Variants in CRYGN observed in about 807,000 individuals in gnomAD.
CRYGN encodes the protein crystallin gamma N, also known as gamma-crystallin N.
A neutral mutation model predicts 19.2 loss-of-function variants in CRYGN; 17 were observed. The observed-to-expected ratio is 0.89, with a 90% CI of 0.61 to 1.33. The LOEUF (loss-of-function observed/expected upper bound fraction) is 1.33. CRYGN is among the 40% of genes most tolerant of loss of function. CRYGN has a pLI of 0.00. For missense variants in CRYGN, 239 were observed against 239.6 expected, an observed-to-expected ratio of 1.00 and a Z score of 0.02; for synonymous variants, 84 against 85.8, an observed-to-expected ratio of 0.98 and a Z score of 0.12.
Position 151,431,803 on chromosome 7 carries a change from G to A in CRYGN, c.417-1623C>T, listed in dbSNP as rs903682684. On this transcript the variant is annotated intron_variant, in intron 3 of 3. Coordinates refer to ENST00000337323, the MANE Select transcript of CRYGN (RefSeq NM_144727.3). The surrounding 1 kb of genome is among the most constrained non-coding windows in gnomAD (Gnocchi z 4.8). ...CCTGGGTCAGGCCTTTGGCCACATG[G>A]CCTGGCAGCCTCACCTTGCCGAGTC... 5 of 180,606 alleles carry A rather than the reference G, an allele frequency of 2.8e-5. No homozygotes were observed. In the East Asian group the frequency reaches 6.5e-4, roughly 23 times the overall value. 11.2% of individuals were successfully genotyped at this position (180,606 alleles called of 1,614,324 possible).
In CRYGN at chr7:151,433,333, G is replaced by A. The variant is rs938182511; in HGVS notation, c.416+2847C>T. ...CCAGGAGGAAGGGACTGGAGGTCCA[G>A]GATAGTGGCCTTTGCCTGGAAAGGG... On this transcript the variant is annotated intron_variant, in intron 3 of 3. Transcript: ENST00000337323. The surrounding 1 kb of genome is among the most constrained non-coding windows in gnomAD (Gnocchi z 5.1). Among the ~76,000 whole-genome samples the A allele has an allele frequency of 6.6e-6, 1 of 152,240 alleles. No individual in the cohort carries two copies. The highest frequency in any genetic ancestry group is 1.5e-5 in the Non-Finnish European group (1 of 68,040).
chr7:151,432,240 C>G, intron 3 of CRYGN: 2 of 1,232,204 alleles, frequency 1.6e-6, no homozygotes, highest in Non-Finnish European at 2.0e-6. Context: ...CACTCTCCAC[C>G]ACGTACATGC....
At position 151,430,159 on chromosome 7, in the gene CRYGN, G is replaced by A. The variant is rs747321002; in HGVS notation, c.438C>T (p.Phe146=). The change falls in exon 4 of 4, where the codon TTC becomes TTT. Residue 146 remains phenylalanine, a synonymous_variant. Coordinates refer to ENST00000337323, the MANE Select transcript of CRYGN (RefSeq NM_144727.3). The surrounding 1 kb of genome is among the most constrained non-coding windows in gnomAD (Gnocchi z 5.2). ...TGCTCAGCTGGAAGTCCTCAGCTCC[G>A]AAGCTTCTAGGGCTCCATGCTCTGT... ...GDGAAWSPRS[F]GAEDFQLSSS... is the part of the protein sequence containing the mutation. 21 of 1,613,886 alleles carry A rather than the reference G, an allele frequency of 1.3e-5. No individual in the cohort carries two copies. Among genetic ancestry groups the A allele is most frequent in the East Asian group, 4.5e-5 (2 of 44,890 alleles).
upstream of CRYGN, chr7:151,440,370 T>A (rs1801734999): frequency 5.4e-6 from 1 of 185,146 alleles, no homozygotes; most frequent in African/African-American, 2.3e-5. Context: ...CTCGCCTTGG[T>A]GCCAACTTGT....
rs1011526328 is a variant in CRYGN at position 151,436,444 on chromosome 7, C to T, written c.271-119G>A. The T allele has an allele frequency of 2.5e-6, 2 of 799,178 alleles. No individual in the cohort carries two copies. Among genetic ancestry groups the T allele is most frequent in the South Asian group, 2.5e-5 (1 of 39,816 alleles). 49.5% of individuals were successfully genotyped at this position (799,178 alleles called of 1,614,324 possible). A position where few individuals can be genotyped will look rare whatever the true frequency, so the allele number is the denominator to read the frequency against. On this transcript the variant is annotated intron_variant, in intron 2 of 3. Coordinates refer to ENST00000337323, the MANE Select transcript of CRYGN (RefSeq NM_144727.3). This position sits in a 1 kb window ranked among gnomAD's most constrained non-coding sequence, Gnocchi z 5.1. ...GTACCCAAGGCACTGGGCACCCCCA[C>T]CCCACACACTTCAACCCCACACTTC... is the stretch of plus-strand genomic sequence containing the variant.
rs1302176051 is a variant in CRYGN, at chr7:151,429,888, A to T, written c.*160T>A. 2 of 664,994 alleles carry T rather than the reference A, an allele frequency of 3.0e-6. No homozygotes were observed. Among genetic ancestry groups the T allele is most frequent in the Non-Finnish European group, 5.5e-6 (2 of 363,386 alleles). 41.2% of individuals were successfully genotyped at this position (664,994 alleles called of 1,614,324 possible). A position where few individuals can be genotyped will look rare whatever the true frequency, so the allele number is the denominator to read the frequency against. The stretch of plus-strand genomic sequence containing the variant: ...TTTCAGAAGAGACAGGGCCCTTGCC[A>T]TGGGTGGGGAGGGCCTCCCGCTGGC... On this transcript the variant is annotated 3_prime_UTR_variant, in exon 4 of 4. Coordinates refer to ENST00000337323, the MANE Select transcript of CRYGN (RefSeq NM_144727.3).
At chr7:151,440,143 G>T (rs1801728029), upstream of CRYGN, 1 of 1,318,652 alleles carries the variant, frequency 7.6e-7, no homozygotes, top group Non-Finnish European at 9.7e-7. Flanking sequence ...TCCGCGTTTA[G>T]CTCCCGAGCC....
rs1174358028 is a variant in CRYGN, at chr7:151,436,356, A to T, written c.271-31T>A. On this transcript the variant is annotated intron_variant, in intron 2 of 3. Transcript: ENST00000337323. This position sits in a 1 kb window ranked among gnomAD's most constrained non-coding sequence, Gnocchi z 5.1. ...AGACCAAGCAAAAAAGAAGGAAAGA[A>T]GGAGGTTGCTGTGAATTCCCCTCTC... 1 of 1,485,272 alleles carries T rather than the reference A, an allele frequency of 6.7e-7. No individual in the cohort carries two copies. Among genetic ancestry groups the T allele is most frequent in the African/African-American group, 1.4e-5 (1 of 70,198 alleles). 92.0% of individuals were successfully genotyped at this position (1,485,272 alleles called of 1,614,324 possible). A position where few individuals can be genotyped will look rare whatever the true frequency, so the allele number is the denominator to read the frequency against.
chr7:151,438,445 C>T (rs917604780), intron 1 of CRYGN, among the ~76,000 whole-genome samples: 1 of 152,230 alleles, frequency 6.6e-6, no homozygotes, highest in African/African-American at 2.4e-5. Flanking sequence ...ATGCCATACA[C>T]AGCTACTGTT....
At position 151,430,261 on chromosome 7, in the gene CRYGN, G is replaced by A; in HGVS notation, c.417-81C>T. The A allele has an allele frequency of 7.2e-7, 1 of 1,387,640 alleles. No individual in the cohort carries two copies. Among genetic ancestry groups the A allele is most frequent in the Non-Finnish European group, 1.0e-6 (1 of 994,754 alleles). The allele number at this position is 1,387,640 out of a possible 1,614,324, so 86.0% of individuals were successfully genotyped here. A position where few individuals can be genotyped will look rare whatever the true frequency, so the allele number is the denominator to read the frequency against. On this transcript the variant is annotated intron_variant, in intron 3 of 3. Transcript: ENST00000337323. This position sits in a 1 kb window ranked among gnomAD's most constrained non-coding sequence, Gnocchi z 5.2. ...CCTTTTGGGGACCCATCTACCACAT[G>A]GCAGCAGGGAGCCCCTTCCCCTTTC...
At chr7:151,437,857 T>G in intron 2 of CRYGN, 139 bp downstream of exon 2, 1 of 1,523,238 alleles carries the variant, frequency 6.6e-7, no homozygotes, top group Non-Finnish European at 8.8e-7. Context: ...AGCAGGTGGC[T>G]CTGGGTATAG....
In CRYGN at chr7:151,438,126, C is replaced by G. The variant is rs1801667763; in HGVS notation, c.140G>C (p.Gly47Ala). The G allele has an allele frequency of 1.9e-6, 3 of 1,614,076 alleles. No individual in the cohort carries two copies. Among genetic ancestry groups the G allele is most frequent in the Non-Finnish European group, 2.5e-6 (3 of 1,180,052 alleles). The change falls in exon 2 of 4, where the codon GGA (glycine) becomes GCA (alanine). Residue 47 changes from glycine (G) to alanine (A), a missense_variant. By Grantham distance (60) the Gly-to-Ala change is moderately conservative. Transcript: ENST00000337323. Reference protein sequence around the residue: ...NRVNSIHVESGAWVCFNHPDF... With the variant: ...NRVNSIHVESAAWVCFNHPDF... ...GGGGTGATTGAAGCAGACCCAGGCTCCGCTCTCCACGTGGATGGAGTTCAC... is the reference window on the plus strand; with the variant it reads ...GGGGTGATTGAAGCAGACCCAGGCTGCGCTCTCCACGTGGATGGAGTTCAC...
At position 151,430,058 on chromosome 7, in the gene CRYGN, G is replaced by A; in HGVS notation, c.539C>T (p.Ala180Val). The change falls in exon 4 of 4, where the codon GCA (alanine) becomes GTA (valine). Residue 180 changes from alanine (A) to valine (V), a missense_variant. Physicochemically the swap from Ala to Val is moderately conservative, Grantham distance 64 (BLOSUM62 0). Transcript: ENST00000337323. The surrounding 1 kb of genome is among the most constrained non-coding windows in gnomAD (Gnocchi z 5.2). Reference sequence around the variant, plus strand: ...CAATCGGTTCCAGGCTCAGAGGTTTGCAGTCAGGAAAGGTGGCTGGGTTGT... The same window carrying A: ...CAATCGGTTCCAGGCTCAGAGGTTTACAGTCAGGAAAGGTGGCTGGGTTGT... The part of the protein sequence containing the change: ...PATTQPPFLT[A>V]NL 2 of 1,111,566 alleles carry A rather than the reference G, an allele frequency of 1.8e-6. No homozygotes were observed. Among genetic ancestry groups the A allele is most frequent in the South Asian group, 2.5e-5 (2 of 81,054 alleles). 68.9% of individuals were successfully genotyped at this position (1,111,566 alleles called of 1,614,324 possible).
rs1445369641 is a variant in CRYGN, at chr7:151,430,661, A to T, written c.417-481T>A. On this transcript the variant is annotated intron_variant, in intron 3 of 3. Coordinates refer to ENST00000337323, the MANE Select transcript of CRYGN (RefSeq NM_144727.3). The surrounding 1 kb of genome is among the most constrained non-coding windows in gnomAD (Gnocchi z 5.2). ...CCCCCTAGGCCTGTCGGGGTGTCTC[A>T]GTTCAACTCAGATAGTAACCCAGGG... Among the ~76,000 whole-genome samples, 1 of 152,156 alleles carries T rather than the reference A, an allele frequency of 6.6e-6. No homozygotes were observed. Among genetic ancestry groups the T allele is most frequent in the East Asian group, 1.9e-4 (1 of 5,180 alleles).
chr7:151,432,341 G>T, intron 3 of CRYGN: 1 of 1,047,338 alleles, frequency 9.5e-7, no homozygotes, highest in Non-Finnish European at 1.2e-6. Flanking sequence ...CGGGACTCCG[G>T]AGAGAAAAGC....
rs1801449273 is a variant in CRYGN, at chr7:151,430,924, T to A, written c.417-744A>T. ...CAGAACTCTGTGGGCACACGGGTGA[T>A]CCAACCCATGCACCTGGCCCCCCAC... On this transcript the variant is annotated intron_variant, in intron 3 of 3. Transcript: ENST00000337323. This position sits in a 1 kb window ranked among gnomAD's most constrained non-coding sequence, Gnocchi z 5.2. Among the ~76,000 whole-genome samples the A allele has an allele frequency of 6.6e-6, 1 of 152,048 alleles. No individual in the cohort carries two copies. The highest frequency in any genetic ancestry group is 1.5e-5 in the Non-Finnish European group (1 of 68,008).
Position 151,433,970 on chromosome 7 carries a change from G to C in CRYGN, c.416+2210C>G, listed in dbSNP as rs972976529. ...CACCAGGACACGGGTCTGAGGGGAT[G>C]GGTCATGCCTGGGCTGATGTGGGAC... On this transcript the variant is annotated intron_variant, in intron 3 of 3. Coordinates refer to ENST00000337323, the MANE Select transcript of CRYGN (RefSeq NM_144727.3). This position sits in a 1 kb window ranked among gnomAD's most constrained non-coding sequence, Gnocchi z 5.1. Among the ~76,000 whole-genome samples the C allele has an allele frequency of 1.3e-5, 2 of 152,046 alleles. No individual in the cohort carries two copies. The highest frequency in any genetic ancestry group is 2.9e-5 in the Non-Finnish European group (2 of 67,978).
Position 151,436,386 on chromosome 7 carries a change from A to G in CRYGN, c.271-61T>C. On this transcript the variant is annotated intron_variant, in intron 2 of 3. Coordinates refer to ENST00000337323, the MANE Select transcript of CRYGN (RefSeq NM_144727.3). The surrounding 1 kb of genome is among the most constrained non-coding windows in gnomAD (Gnocchi z 5.1). ...GTTGCTGTGAATTCCCCTCTCCCAG[A>G]AACAGAAGCCCCATGCAGGAAGGAA... The G allele has an allele frequency of 6.9e-7, 1 of 1,444,330 alleles. No homozygotes were observed. The highest frequency in any genetic ancestry group is 9.2e-7 in the Non-Finnish European group (1 of 1,085,648). 89.5% of individuals were successfully genotyped at this position (1,444,330 alleles called of 1,614,324 possible).
intron 3 of CRYGN, among the ~76,000 whole-genome samples, chr7:151,434,744 T>C (rs757255618): frequency 2.0e-5 from 3 of 152,232 alleles, no homozygotes; most frequent in Non-Finnish European, 4.4e-5. Flanking sequence ...GAACCGTGGC[T>C]TTAAGCACAT....
Sources: gnomAD v4.1 joint callset for allele counts (sites outside exome capture counted in the v4.1 genomes callset) on GRCh38, gnomAD v4.1.1 for gene constraint, Gnocchi (gnomAD v3.1) non-coding constraint, MANE v1.5 for transcripts, NCBI Gene and HGNC (gene_info 2026-07-23, HGNC 2026-07-21) for gene names.